The following KCNH5 variants were observed in gnomAD, a reference collection of about 807,000 sequenced individuals.
KCNH5 encodes the protein potassium voltage-gated channel subfamily H member 5.
KCNH5 carries 46 observed loss-of-function variants against 96.1 expected under a neutral mutation model. That is an observed-to-expected ratio of 0.48 (90% CI 0.38 to 0.61). The LOEUF (loss-of-function observed/expected upper bound fraction) is 0.61. Ranked by LOEUF, KCNH5 falls within the 20% of genes least tolerant of loss-of-function variation. KCNH5 has a pLI of 0.00. For synonymous variants in KCNH5, 439 were observed against 449.8 expected (o/e 0.98, Z 0.30); for missense variants, 907 against 1,225.8 (o/e 0.74, Z 3.88).
At chr14:62,802,118 A>G (rs1415173405) in intron 9 of KCNH5, among the ~76,000 whole-genome samples, 2 of 152,158 alleles carry the variant, frequency 1.3e-5, no homozygotes, top group Non-Finnish European at 2.9e-5. Context: ...TGCCAAAGAA[A>G]GTTTAATCAA....
chr14:63,044,876 C>T (rs1310850187), intron 1 of KCNH5, among the ~76,000 whole-genome samples: 1 of 152,180 alleles, frequency 6.6e-6, no homozygotes, highest in Non-Finnish European at 1.5e-5. Context: ...CAGTTCTGGG[C>T]TCTGGACAGG....
chr14:62,975,995 G>A (rs2139562403), intron 6 of KCNH5, among the ~76,000 whole-genome samples: 2 of 150,948 alleles, frequency 1.3e-5, no homozygotes, highest in South Asian at 4.2e-4. Flanking sequence ...TAGACCTTAA[G>A]CAAGAAAAGC....
chr14:63,045,373 A>G lies in KCNH5; in HGVS notation c.-187T>C. The stretch of plus-strand genomic sequence containing the variant: ...ACCCGGATGAGCAGCTCTGGGGAGG[A>G]GGACCAGGCAGTTCATGGTAGTAGC... On this transcript the variant is annotated 5_prime_UTR_variant, in exon 1 of 11. Coordinates refer to ENST00000322893, the MANE Select transcript of KCNH5 (RefSeq NM_139318.5). The G allele has an allele frequency of 1.6e-6, 1 of 614,352 alleles. No homozygotes were observed. Among genetic ancestry groups the G allele is most frequent in the Non-Finnish European group, 2.9e-6 (1 of 341,666 alleles). The allele number at this position is 614,352 out of a possible 1,614,324, so 38.1% of individuals were successfully genotyped here.
At chr14:62,780,455 A>G (rs1886186533) in intron 9 of KCNH5, among the ~76,000 whole-genome samples, 1 of 152,066 alleles carries the variant, frequency 6.6e-6, no homozygotes, top group African/African-American at 2.4e-5. Flanking sequence ...CTCTCTACCT[A>G]GTCAACCTTA....
At chr14:62,980,012 C>T (rs1890576502) in intron 6 of KCNH5, among the ~76,000 whole-genome samples, 1 of 152,162 alleles carries the variant, frequency 6.6e-6, no homozygotes, top group African/African-American at 2.4e-5. Context: ...TTTCCCCATG[C>T]TGTTCCCGTG....
In KCNH5 at chr14:62,799,996, G is replaced by A. The variant is rs193273216; in HGVS notation, c.1822+2333C>T. Reference sequence around the variant, plus strand: ...AAAAGGAGGAGGAGGAGGAGAAGAAGAGGAAGAAGAGGAGAATCAGGAAAA... The same window carrying A: ...AAAAGGAGGAGGAGGAGGAGAAGAAAAGGAAGAAGAGGAGAATCAGGAAAA... On this transcript the variant is annotated intron_variant, in intron 9 of 10. Coordinates refer to ENST00000322893, the MANE Select transcript of KCNH5 (RefSeq NM_139318.5). Among the ~76,000 whole-genome samples, 384 of 151,110 alleles carry A rather than the reference G, an allele frequency of 2.5e-3. 2 individuals carry two copies. Among genetic ancestry groups the A allele is most frequent in the African/African-American group, 9.1e-3 (376 of 41,268 alleles).
At chr14:62,879,820 CTATTTT>C (rs1566692709) in intron 7 of KCNH5, among the ~76,000 whole-genome samples, 1 of 152,048 alleles carries the variant, frequency 6.6e-6, no homozygotes, top group Non-Finnish European at 1.5e-5. Flanking sequence ...ATTTCAGAGT[CTATTTT>C]TATAGTTGTG....
At chr14:62,834,914 T>C (rs1235077421) in intron 8 of KCNH5, among the ~76,000 whole-genome samples, 1 of 151,992 alleles carries the variant, frequency 6.6e-6, no homozygotes, top group Non-Finnish European at 1.5e-5. Flanking sequence ...AAAGACCATA[T>C]AACCCATAAA....
chr14:62,854,025 AAAC>A lies in KCNH5; in HGVS notation c.1370-4176_1370-4174del, dbSNP rs1566683003. The stretch of plus-strand genomic sequence containing the variant: ...CTGTCAAAAAAAAAAAAAACAAAAA[AAAC>A]AAAAAAAACAACCCTCATTCATCAC... On this transcript the variant is annotated intron_variant, in intron 7 of 10. Transcript: ENST00000322893. Among the ~76,000 whole-genome samples the A allele has an allele frequency of 4.3e-3, 558 of 130,738 alleles. 16 individuals are homozygous for A. Among genetic ancestry groups the A allele is most frequent in the East Asian group, 8.4e-3 (28 of 3,320 alleles). The allele number at this position is 130,738 out of a possible 152,430, so 85.8% of individuals were successfully genotyped here.
chr14:63,001,228 T>A, intron 4 of KCNH5, 103 bp downstream of exon 4: 1 of 958,726 alleles, frequency 1.0e-6, no homozygotes, highest in Non-Finnish European at 1.5e-6. Context: ...AAAGGCCACA[T>A]AGTAGAATTT....
intron 7 of KCNH5, among the ~76,000 whole-genome samples, chr14:62,872,554 G>T (rs764078478): frequency 7.9e-5 from 12 of 152,066 alleles, no homozygotes; most frequent in Non-Finnish European, 1.8e-4. Flanking sequence ...TTAGCTGGGC[G>T]TGGTGGCATG....
intron 2 of KCNH5, among the ~76,000 whole-genome samples, chr14:63,010,930 A>C (rs1891213101): frequency 6.6e-6 from 1 of 152,186 alleles, no homozygotes; most frequent in African/African-American, 2.4e-5. Flanking sequence ...TCTAGACTAA[A>C]ATGCAACAAA....
At chr14:62,859,797 C>T (rs186718694) in intron 7 of KCNH5, among the ~76,000 whole-genome samples, 9 of 152,292 alleles carry the variant, frequency 5.9e-5, no homozygotes, top group Admixed American at 5.2e-4. Flanking sequence ...TGTCCACTTT[C>T]GGGTGATACC....
chr14:63,015,391 A>T (rs1891307134), intron 2 of KCNH5, among the ~76,000 whole-genome samples: 1 of 152,044 alleles, frequency 6.6e-6, no homozygotes, highest in Non-Finnish European at 1.5e-5. Flanking sequence ...ACATTTCATG[A>T]TGATGAAGGA....
At position 62,792,812 on chromosome 14, in the gene KCNH5, T is replaced by C. The variant is rs1330506766; in HGVS notation, c.1822+9517A>G. Reference sequence around the variant, plus strand: ...ACTTCTGAGTATGTATCCAAAAGTATTGAAATCAAAATCTCAAAGAGATAT... The same window carrying C: ...ACTTCTGAGTATGTATCCAAAAGTACTGAAATCAAAATCTCAAAGAGATAT... On this transcript the variant is annotated intron_variant, in intron 9 of 10. Coordinates refer to ENST00000322893, the MANE Select transcript of KCNH5 (RefSeq NM_139318.5). Among the ~76,000 whole-genome samples, 3 of 151,832 alleles carry C rather than the reference T, an allele frequency of 2.0e-5. No individual in the cohort carries two copies. In the South Asian group the frequency reaches 6.2e-4, roughly 31 times the overall value.
intron 2 of KCNH5, among the ~76,000 whole-genome samples, chr14:63,009,844 A>T (rs1891192830): frequency 6.6e-6 from 1 of 152,228 alleles, no homozygotes. Context: ...GGATGACTGA[A>T]GCTCAATGCA....
chr14:63,008,396 T>C (rs995817318), intron 2 of KCNH5, among the ~76,000 whole-genome samples: 1 of 151,900 alleles, frequency 6.6e-6, no homozygotes, highest in Admixed American at 6.6e-5. Context: ...CTAAAAGGCA[T>C]AGTTTTTCAG....
At chr14:62,962,393 G>T (rs1463290281) in intron 6 of KCNH5, among the ~76,000 whole-genome samples, 2 of 152,084 alleles carry the variant, frequency 1.3e-5, no homozygotes, top group African/African-American at 4.8e-5. Context: ...CATCAAAACT[G>T]CAATGGATTA....
At chr14:62,739,401 C>CT (rs369537726) in intron 10 of KCNH5, among the ~76,000 whole-genome samples, 58 of 152,234 alleles carry the variant, frequency 3.8e-4, no homozygotes, top group African/African-American at 1.3e-3. Flanking sequence ...GCTCTGTAGG[C>CT]TAACAACCTA....
Sources: allele counts gnomAD v4.1 joint callset (sites outside exome capture counted in the v4.1 genomes callset), GRCh38; gene constraint gnomAD v4.1.1; transcripts MANE v1.5; gene names NCBI Gene and HGNC (gene_info 2026-07-23, HGNC 2026-07-21).